Variants in C17orf107 observed in about 807,000 individuals in gnomAD.
The protein encoded by C17orf107 is uncharacterized protein C17orf107.
C17orf107 carries 9 observed loss-of-function variants against 8.9 expected under a neutral mutation model. That is an observed-to-expected ratio of 1.02 (90% confidence interval 0.61 to 1.77). The LOEUF (loss-of-function observed/expected upper bound fraction) is 1.77, where lower values mean the gene tolerates loss of function less well. Among genes scored for constraint, C17orf107 ranks in the 40% most tolerant of loss-of-function variants. The pLI is 0.00. For synonymous variants in C17orf107, 139 were observed against 120.3 expected, an observed-to-expected ratio of 1.16 and a Z score of -1.02; for missense variants, 281 against 249.0, an observed-to-expected ratio of 1.13 and a Z score of -0.86.
chr17:4,900,879 G>A lies in C17orf107; in HGVS notation c.*346G>A, dbSNP rs755170993. The A allele has an allele frequency of 1.2e-5, 19 of 1,614,070 alleles. No individual in the cohort carries two copies. The highest frequency in any genetic ancestry group is 1.5e-5 in the Non-Finnish European group (18 of 1,180,014). On this transcript the variant is annotated 3_prime_UTR_variant, in exon 3 of 3. Coordinates refer to ENST00000381365, the MANE Select transcript of C17orf107 (RefSeq NM_001145536.2). ...AGACGGTCTGGGCGAGCAGGACGTT[G>A]ATGGAGACCGTGCATTTCTGGCCGC...
downstream of C17orf107, among the ~76,000 whole-genome samples, chr17:4,903,868 A>AT (rs916204252): frequency 4.6e-5 from 7 of 151,856 alleles, no homozygotes; most frequent in South Asian, 2.1e-4. Context: ...TTTAAAAAAA[A>AT]TTTTTTTGAG....
In C17orf107 at chr17:4,901,349, A is replaced by C; in HGVS notation, c.*816A>C. Reference sequence around the variant, plus strand: ...AAGGGCATTCTCGTTGAGGGTATGGAAAGCCAGAAGGCAGGACTAGAGTAA... The same window carrying C: ...AAGGGCATTCTCGTTGAGGGTATGGCAAGCCAGAAGGCAGGACTAGAGTAA... On this transcript the variant is annotated 3_prime_UTR_variant, in exon 3 of 3. Transcript: ENST00000381365. The C allele has an allele frequency of 1.0e-6, 1 of 972,098 alleles. No homozygotes were observed. The highest frequency in any genetic ancestry group is 2.0e-5 in the Admixed American group (1 of 50,244). The allele number at this position is 972,098 out of a possible 1,614,324, so 60.2% of individuals were successfully genotyped here.
Position 4,901,398 on chromosome 17 carries a change from G to T in C17orf107, c.*865G>T, listed in dbSNP as rs1969980695. ...AACAATCGAGAATGATTTCAGGACA[G>T]GGGTAAGCTAAACCCAGTTGTGGAA... On this transcript the variant is annotated 3_prime_UTR_variant, in exon 3 of 3. Transcript: ENST00000381365. The T allele has an allele frequency of 4.3e-5, 42 of 967,112 alleles. No homozygotes were observed. In the South Asian group the frequency reaches 5.2e-4, roughly 12 times the overall value. 59.9% of individuals were successfully genotyped at this position (967,112 alleles called of 1,614,324 possible). A position where few individuals can be genotyped will look rare whatever the true frequency, so the allele number is the denominator to read the frequency against.
Position 4,901,503 on chromosome 17 carries a change from T to C in C17orf107, c.*970T>C. 6.2e-7 allele frequency: 1 copy of C among 1,612,016 alleles called. No individual in the cohort carries two copies. Among genetic ancestry groups the C allele is most frequent in the African/African-American group, 1.3e-5 (1 of 75,006 alleles). ...TGGACCCCGTCTAGAAGCGGGTTTT[T>C]CTGAGCAGGCAGGGGCTTCACCAGT... On this transcript the variant is annotated 3_prime_UTR_variant, in exon 3 of 3. Transcript: ENST00000381365.
chr17:4,900,189 G>A, intron 2 of C17orf107, 44 bp downstream of exon 2: 1 of 1,543,900 alleles, frequency 6.5e-7, no homozygotes, highest in Non-Finnish European at 8.7e-7. Context: ...TCGGGTAGCG[G>A]GAACAAGGAC....
rs549786886 is a variant in C17orf107 at position 4,900,265 on chromosome 17, C to T, written c.305C>T (p.Ala102Val). ...EISALWLQQE[A>V]RRLDGSAGPA... ...TCAGCCCTGTGGCTGCAGCAGGAGG[C>T]GCGGCGACTAGACGGCAGCGCGGGC... Residue 102 changes from alanine (A) to valine (V), a missense_variant, in exon 3 of 3, where the codon GCG (alanine) becomes GTG (valine). Ala to Val is a moderately conservative substitution (Grantham distance 64, BLOSUM62 0). Coordinates refer to ENST00000381365, the MANE Select transcript of C17orf107 (RefSeq NM_001145536.2). The T allele has an allele frequency of 1.9e-6, 3 of 1,546,092 alleles. No individual in the cohort carries two copies. Among genetic ancestry groups the T allele is most frequent in the South Asian group, 1.2e-5 (1 of 83,940 alleles).
rs965764982 is a variant in C17orf107 at position 4,899,672 on chromosome 17, G to A, written c.-91G>A. On this transcript the variant is annotated 5_prime_UTR_variant, in exon 1 of 3. Coordinates refer to ENST00000381365, the MANE Select transcript of C17orf107 (RefSeq NM_001145536.2). ...GACCTCACAAACACGGCTTCTCCTG[G>A]TACGGGCTGGTTACGCCCTCCAGCT... 6 of 1,441,984 alleles carry A rather than the reference G, an allele frequency of 4.2e-6. No individual in the cohort carries two copies. The African/African-American group carries it at 8.5e-5, about 20-fold the overall frequency. The allele number at this position is 1,441,984 out of a possible 1,614,324, so 89.3% of individuals were successfully genotyped here.
chr17:4,905,895 C>G (rs1248717367), downstream of C17orf107, among the ~76,000 whole-genome samples: 2 of 152,104 alleles, frequency 1.3e-5, no homozygotes, highest in Non-Finnish European at 2.9e-5. Flanking sequence ...CCTAGGTTTC[C>G]TGTAGTCTTG....
In C17orf107 at chr17:4,901,967, G is replaced by T; in HGVS notation, c.*1434G>T. 4.3e-6 allele frequency: 7 copies of T among 1,614,150 alleles called. No individual in the cohort carries two copies. The highest frequency in any genetic ancestry group is 5.9e-6 in the Non-Finnish European group (7 of 1,180,030). On this transcript the variant is annotated 3_prime_UTR_variant, in exon 3 of 3. Transcript: ENST00000381365. ...GCGAACAGTTCTGCCAATCGAAGGG[G>T]AAGTAGGTGACCTCCACTGCGCAGA... is the stretch of plus-strand genomic sequence containing the variant.
chr17:4,901,061 A>G lies in C17orf107; in HGVS notation c.*528A>G, dbSNP rs1265007926. ...CACACAGGGCACGATGATGTTAATGACGTAGAAGAGCGGCTTCCGGCGGAT... is the reference window on the plus strand; with the variant it reads ...CACACAGGGCACGATGATGTTAATGGCGTAGAAGAGCGGCTTCCGGCGGAT... On this transcript the variant is annotated 3_prime_UTR_variant, in exon 3 of 3. Transcript: ENST00000381365. 1.2e-6 allele frequency: 2 copies of G among 1,614,004 alleles called. No homozygotes were observed. Among genetic ancestry groups the G allele is most frequent in the South Asian group, 2.2e-5 (2 of 91,074 alleles).
chr17:4,899,569 C>T lies in C17orf107; in HGVS notation c.-194C>T. 6.3e-7 allele frequency: 1 copy of T among 1,589,754 alleles called. No homozygotes were observed. Among genetic ancestry groups the T allele is most frequent in the Non-Finnish European group, 8.6e-7 (1 of 1,168,916 alleles). On this transcript the variant is annotated 5_prime_UTR_variant, in exon 1 of 3. The change creates a new upstream start codon in the 5' untranslated region. Coordinates refer to ENST00000381365, the MANE Select transcript of C17orf107 (RefSeq NM_001145536.2). ...ACAATGAGCGTGGCGACCACCATGA[C>T]GAAAATAAGGAACCTGAGGAGCCCG...
Position 4,900,414 on chromosome 17 carries a change from T to G in C17orf107, c.454T>G (p.Trp152Gly). 1 of 1,550,900 alleles carries G rather than the reference T, an allele frequency of 6.4e-7. No homozygotes were observed. Among genetic ancestry groups the G allele is most frequent in the South Asian group, 1.2e-5 (1 of 84,062 alleles). ...CGCCCGGCTCCTAGTCCAGGGAGCA[T>G]GGCTATGCCTGTGTGGACGGGGTCT... ...ASARLLVQGA[W>G]LCLCGRGLQG... The change falls in exon 3 of 3, where the codon TGG becomes GGG. Residue 152 changes from tryptophan (W) to glycine (G), a missense_variant. Trp to Gly is a radical substitution (Grantham distance 184). Transcript: ENST00000381365.
In C17orf107 at chr17:4,900,857, C is replaced by A. The variant is rs1597618794; in HGVS notation, c.*324C>A. 6.2e-7 allele frequency: 1 copy of A among 1,614,202 alleles called. No homozygotes were observed. Among genetic ancestry groups the A allele is most frequent in the African/African-American group, 1.3e-5 (1 of 75,074 alleles). On this transcript the variant is annotated 3_prime_UTR_variant, in exon 3 of 3. Coordinates refer to ENST00000381365, the MANE Select transcript of C17orf107 (RefSeq NM_001145536.2). ...TTCTGGGCAATGAGGAACAAGAAGA[C>A]GGTCTGGGCGAGCAGGACGTTGATG...
In C17orf107 at chr17:4,902,717, G is replaced by A; in HGVS notation, c.*2184G>A. The A allele has an allele frequency of 2.5e-6, 4 of 1,614,106 alleles. No individual in the cohort carries two copies. The highest frequency in any genetic ancestry group is 3.4e-6 in the Non-Finnish European group (4 of 1,180,020). ...GGCTTCCTGGGTCATAGTTGTTGAAGAGATGGTGATAAAGACGCAGTTCCT... is the reference window on the plus strand; with the variant it reads ...GGCTTCCTGGGTCATAGTTGTTGAAAAGATGGTGATAAAGACGCAGTTCCT... On this transcript the variant is annotated 3_prime_UTR_variant, in exon 3 of 3. Transcript: ENST00000381365. This position sits in a 1 kb window ranked among gnomAD's most constrained non-coding sequence, Gnocchi z 4.0.
rs375840489 is a variant in C17orf107 at position 4,902,920 on chromosome 17, G to A, written c.*2387G>A. ...ATGCTGTGCCTGGGAACGAAATACT[G>A]TGTCTAAGTCTCCATCTTGGTCTCT... On this transcript the variant is annotated 3_prime_UTR_variant, in exon 3 of 3. Coordinates refer to ENST00000381365, the MANE Select transcript of C17orf107 (RefSeq NM_001145536.2). This position sits in a 1 kb window ranked among gnomAD's most constrained non-coding sequence, Gnocchi z 4.0. The A allele has an allele frequency of 6.9e-6, 11 of 1,583,360 alleles. No homozygotes were observed. The highest frequency in any genetic ancestry group is 4.0e-5 in the African/African-American group (3 of 74,200).
At position 4,902,523 on chromosome 17, in the gene C17orf107, G is replaced by A; in HGVS notation, c.*1990G>A. 6.2e-7 allele frequency: 1 copy of A among 1,614,198 alleles called. No individual in the cohort carries two copies. The highest frequency in any genetic ancestry group is 8.5e-7 in the Non-Finnish European group (1 of 1,180,028). ...CAGATGGGAGATGGGGATGATTGAAGTGAGATTTCAGGGCCAGAAGTGAGC... is the reference window on the plus strand; with the variant it reads ...CAGATGGGAGATGGGGATGATTGAAATGAGATTTCAGGGCCAGAAGTGAGC... On this transcript the variant is annotated 3_prime_UTR_variant, in exon 3 of 3. Coordinates refer to ENST00000381365, the MANE Select transcript of C17orf107 (RefSeq NM_001145536.2). This position sits in a 1 kb window ranked among gnomAD's most constrained non-coding sequence, Gnocchi z 4.0.
downstream of C17orf107, among the ~76,000 whole-genome samples, chr17:4,906,627 A>G (rs758307766): frequency 1.1e-4 from 16 of 152,156 alleles, no homozygotes; most frequent in Non-Finnish European, 2.1e-4. Flanking sequence ...CTGAGGTAGG[A>G]GAATTGCTTG....
At position 4,900,040 on chromosome 17, in the gene C17orf107, C is replaced by A. The variant is rs1237793808; in HGVS notation, c.171C>A (p.Pro57=). Residue 57 remains proline, a synonymous_variant, in exon 2 of 3, where the codon CCC becomes CCA. Coordinates refer to ENST00000381365, the MANE Select transcript of C17orf107 (RefSeq NM_001145536.2). ...GAGAGCTGAAGTCCCTGGAGCCACC[C>A]GAACCGAAGATGCAGGGGATGCTGC... ...RFRELKSLEP[P]EPKMQGMLPA... 1.0e-5 allele frequency: 16 copies of A among 1,551,344 alleles called. No homozygotes were observed. Among genetic ancestry groups the A allele is most frequent in the Non-Finnish European group, 1.3e-5 (15 of 1,146,978 alleles).
Position 4,902,308 on chromosome 17 carries a change from G to A in C17orf107, c.*1775G>A. 6.2e-7 allele frequency: 1 copy of A among 1,614,194 alleles called. No homozygotes were observed. The highest frequency in any genetic ancestry group is 8.5e-7 in the Non-Finnish European group (1 of 1,180,044). On this transcript the variant is annotated 3_prime_UTR_variant, in exon 3 of 3. Transcript: ENST00000381365. The surrounding 1 kb of genome is among the most constrained non-coding windows in gnomAD (Gnocchi z 4.0). Reference sequence around the variant, plus strand: ...CCAAAGTCGTCCTTGCTGTAGTTGAGTCGGTAATCCTGCCAATCCTAAGGG... The same window carrying A: ...CCAAAGTCGTCCTTGCTGTAGTTGAATCGGTAATCCTGCCAATCCTAAGGG...
Sources: gnomAD v4.1 joint callset for allele counts (sites outside exome capture counted in the v4.1 genomes callset) on GRCh38, gnomAD v4.1.1 for gene constraint, Gnocchi (gnomAD v3.1) non-coding constraint, MANE v1.5 for transcripts, NCBI Gene and HGNC (gene_info 2026-07-23, HGNC 2026-07-21) for gene names.